UNC13C: variants seen among roughly 807,000 people sequenced by gnomAD.
UNC13C encodes protein unc-13 homolog C.
Under a neutral mutation model 245.4 loss-of-function variants are expected in UNC13C, and 174 were observed. The ratio of observed to expected loss-of-function variants is 0.71; its 90% confidence interval spans 0.63 to 0.80. The LOEUF is 0.80. Ranked by LOEUF, UNC13C falls within the 30% of genes least tolerant of loss-of-function variation. The pLI, the probability that UNC13C is intolerant of heterozygous loss-of-function variation, is 0.00. For missense variants in UNC13C, 2,829 were observed against 2,602.9 expected, an observed-to-expected ratio of 1.09 and a Z score of -1.89; for synonymous variants, 992 against 895.1, an observed-to-expected ratio of 1.11 and a Z score of -1.93.
chr15:54,326,657 G>T (rs1033122384), intron 14 of UNC13C, among the ~76,000 whole-genome samples: 1 of 152,002 alleles, frequency 6.6e-6, no homozygotes, highest in Non-Finnish European at 1.5e-5. Flanking sequence ...GTGGGGAAAG[G>T]GACAGAGAGA....
downstream of UNC13C, chr15:54,628,860 A>G (rs1437796478): frequency 6.6e-6 from 1 of 152,148 alleles, no homozygotes; most frequent in Non-Finnish European, 1.5e-5. Flanking sequence ...CAATTATTGT[A>G]GAAAGCAGTG....
At chr15:53,852,964 G>A in the UNC13C span, among the ~76,000 whole-genome samples, 41 of 151,630 alleles carry the variant, frequency 2.7e-4, no homozygotes, top group East Asian at 6.2e-3. Flanking sequence ...GTGTGTGCAC[G>A]CACTCTGCCT....
At chr15:54,600,012 A>G (rs904424464) in intron 30 of UNC13C, among the ~76,000 whole-genome samples, 3 of 152,090 alleles carry the variant, frequency 2.0e-5, no homozygotes, top group Admixed American at 6.6e-5. Flanking sequence ...TTTTTTTAGG[A>G]AGAAATTTCC....
intron 10 of UNC13C, among the ~76,000 whole-genome samples, chr15:54,284,681 G>C (rs547791761): frequency 6.6e-6 from 1 of 152,074 alleles, no homozygotes; most frequent in African/African-American, 2.4e-5. Flanking sequence ...TGATCTGCCT[G>C]TTCGCTGATA....
intron 18 of UNC13C, among the ~76,000 whole-genome samples, chr15:54,398,873 G>A (rs548301220): frequency 5.3e-5 from 8 of 151,394 alleles, no homozygotes; most frequent in South Asian, 4.2e-4. Context: ...CTGTCTGAAC[G>A]TTTATAAATT....
intron 10 of UNC13C, among the ~76,000 whole-genome samples, chr15:54,267,246 G>C: frequency 6.9e-6 from 1 of 144,688 alleles, no homozygotes; most frequent in South Asian, 2.1e-4. Context: ...TGTTTATTCC[G>C]AATTAATTTA....
chr15:54,552,356 T>C (rs1337317659), intron 28 of UNC13C, among the ~76,000 whole-genome samples: 7 of 114,854 alleles, frequency 6.1e-5, no homozygotes, highest in Non-Finnish European at 1.2e-4. Context: ...ATATTATATA[T>C]TACAATGTAT....
the UNC13C span, among the ~76,000 whole-genome samples, chr15:53,844,672 T>C: frequency 6.6e-6 from 1 of 152,098 alleles, no homozygotes; most frequent in East Asian, 1.9e-4. Context: ...AAGGGACAAA[T>C]GTTTTACAAT....
At chr15:54,392,582 C>T (rs2039980666) in intron 17 of UNC13C, among the ~76,000 whole-genome samples, 2 of 151,854 alleles carry the variant, frequency 1.3e-5, no homozygotes, top group Admixed American at 1.3e-4. Flanking sequence ...TGCATACTTA[C>T]TGCTGATGTA....
intron 19 of UNC13C, among the ~76,000 whole-genome samples, chr15:54,429,870 T>A (rs1160451264): frequency 1.3e-5 from 2 of 151,696 alleles, no homozygotes; most frequent in African/African-American, 4.8e-5. Flanking sequence ...TAGTTGTGGA[T>A]AAAATGTAAG....
intron 26 of UNC13C, among the ~76,000 whole-genome samples, chr15:54,538,997 T>C (rs1896123623): frequency 6.6e-6 from 1 of 151,982 alleles, no homozygotes; most frequent in Non-Finnish European, 1.5e-5. Context: ...TGAATTTAAA[T>C]AAGAGTTGGA....
At chr15:54,480,964 C>T (rs1893072417) in intron 19 of UNC13C, among the ~76,000 whole-genome samples, 1 of 152,140 alleles carries the variant, frequency 6.6e-6, no homozygotes, top group Non-Finnish European at 1.5e-5. Context: ...TCTATAGATG[C>T]ACTAGCTGTA....
chr15:53,996,796 A>G (rs1894654304), intron 1 of UNC13C, among the ~76,000 whole-genome samples: 2 of 150,242 alleles, frequency 1.3e-5, no homozygotes, highest in Admixed American at 1.3e-4. Context: ...TCATTATTCA[A>G]ATATACCATA....
At chr15:54,346,144 C>T (rs781366516) in intron 17 of UNC13C, among the ~76,000 whole-genome samples, 1 of 152,082 alleles carries the variant, frequency 6.6e-6, no homozygotes, top group Non-Finnish European at 1.5e-5. Flanking sequence ...CCGGCTAAAC[C>T]GTGAGTTTCA....
intron 2 of UNC13C, among the ~76,000 whole-genome samples, chr15:54,128,453 T>C (rs1397163419): frequency 1.3e-5 from 2 of 152,222 alleles, no homozygotes; most frequent in Admixed American, 6.5e-5. Context: ...TTGGAATCCT[T>C]GTCCTGTCAT....
chr15:54,086,568 G>A (rs1899248471), intron 2 of UNC13C, among the ~76,000 whole-genome samples: 2 of 152,054 alleles, frequency 1.3e-5, no homozygotes, highest in South Asian at 2.1e-4. Flanking sequence ...TCTCATTTGT[G>A]TTTGTTTTGT....
chr15:53,980,515 G>A (rs1363623475), intron 1 of UNC13C, among the ~76,000 whole-genome samples: 1 of 152,080 alleles, frequency 6.6e-6, no homozygotes, highest in Non-Finnish European at 1.5e-5. Flanking sequence ...AACTGATCAA[G>A]GATCATCTAA....
chr15:53,928,579 A>C, the UNC13C span, among the ~76,000 whole-genome samples: 1 of 151,580 alleles, frequency 6.6e-6, no homozygotes. Flanking sequence ...CAGAGATAGA[A>C]TATCTAACTA....
chr15:54,388,431 T>A (rs2039883239), intron 17 of UNC13C, among the ~76,000 whole-genome samples: 1 of 152,118 alleles, frequency 6.6e-6, no homozygotes, highest in Non-Finnish European at 1.5e-5. Flanking sequence ...CCACTATGGG[T>A]CCAACTCGAG....
Sources: allele counts gnomAD v4.1 joint callset (sites outside exome capture counted in the v4.1 genomes callset), GRCh38; gene constraint gnomAD v4.1.1; transcripts MANE v1.5; gene names NCBI Gene and HGNC (gene_info 2026-07-23, HGNC 2026-07-21).